ATP6V0A1: variants seen among roughly 807,000 people sequenced by gnomAD.
ATP6V0A1 encodes ATPase H+ transporting V0 subunit a1, also known as V-type proton ATPase 116 kDa subunit a 1.
A neutral mutation model predicts 105.4 loss-of-function variants in ATP6V0A1; 43 were observed. The ratio of observed to expected loss-of-function variants is 0.41; its 90% CI spans 0.32 to 0.53. The LOEUF is 0.53. Ranked by LOEUF, ATP6V0A1 falls within the 20% of genes least tolerant of loss-of-function variation. The pLI is 0.30. For synonymous variants in ATP6V0A1, 362 were observed against 372.8 expected (o/e 0.97, Z 0.33); for missense variants, 676 against 1,051.1 (o/e 0.64, Z 4.93).
At chr17:42,520,627 C>T in intron 21 of ATP6V0A1, 1 of 458,674 alleles carries the variant, frequency 2.2e-6, no homozygotes, top group Non-Finnish European at 4.4e-6. Context: ...AACAGAGGTG[C>T]TTGCCCAGTG....
intron 21 of ATP6V0A1, among the ~76,000 whole-genome samples, chr17:42,515,693 C>T (rs1469589872): frequency 6.6e-6 from 1 of 151,836 alleles, no homozygotes; most frequent in African/African-American, 2.4e-5. Context: ...GAGGCTGAGG[C>T]AGGAGAATCG....
chr17:42,461,248 A>C (rs2086362390), intron 2 of ATP6V0A1, among the ~76,000 whole-genome samples: 1 of 152,154 alleles, frequency 6.6e-6, no homozygotes, highest in African/African-American at 2.4e-5. Context: ...TCTCCAGGTA[A>C]TTGTTTGGGA....
chr17:42,488,187 A>G (rs2090295112), intron 10 of ATP6V0A1, among the ~76,000 whole-genome samples: 1 of 152,224 alleles, frequency 6.6e-6, no homozygotes, highest in African/African-American at 2.4e-5. Flanking sequence ...GCATTTGATC[A>G]GGTCTTTGAA....
chr17:42,513,718 C>A, intron 19 of ATP6V0A1, 143 bp from the exon 20 acceptor site: 1 of 767,534 alleles, frequency 1.3e-6, no homozygotes, highest in Non-Finnish European at 2.2e-6. Flanking sequence ...TGCTTCTGGC[C>A]CCTCCAGAGT....
intron 2 of ATP6V0A1, among the ~76,000 whole-genome samples, chr17:42,462,973 C>A (rs2086606000): frequency 6.7e-6 from 1 of 149,924 alleles, no homozygotes; most frequent in South Asian, 2.1e-4. Flanking sequence ...ACCTCTGTAA[C>A]CAGCACCCCA....
At position 42,470,149 on chromosome 17, in the gene ATP6V0A1, G is replaced by A. The variant is rs2087698078; in HGVS notation, c.354G>A (p.Leu118=). The change falls in exon 5 of 22, where the codon CTG becomes CTA. Residue 118 remains leucine (L), a synonymous_variant. Coordinates refer to ENST00000343619, the MANE Select transcript of ATP6V0A1 (RefSeq NM_001130021.3). ...LKEINTNQEA[L]KRNFLELTEL... ...AAATCAACACAAACCAGGAAGCTCT[G>A]AAGAGAAACTTCCTGGAACTGACCG... is the stretch of plus-strand genomic sequence containing the variant. 1.9e-6 allele frequency: 3 copies of A among 1,611,934 alleles called. No homozygotes were observed. The highest frequency in any genetic ancestry group is 2.5e-6 in the Non-Finnish European group (3 of 1,178,790).
intron 5 of ATP6V0A1, among the ~76,000 whole-genome samples, chr17:42,474,672 G>A (rs2088492776): frequency 6.6e-6 from 1 of 152,294 alleles, no homozygotes. Context: ...ATTTTCTTCT[G>A]TGTCTGAAAT....
At chr17:42,465,652 C>A (rs2086957046) in intron 2 of ATP6V0A1, among the ~76,000 whole-genome samples, 1 of 151,788 alleles carries the variant, frequency 6.6e-6, no homozygotes, top group African/African-American at 2.4e-5. Context: ...TCCAGAACAT[C>A]TGTCATATTG....
Position 42,464,594 on chromosome 17 carries a change from G to A in ATP6V0A1, c.118-1835G>A, listed in dbSNP as rs570317902. Reference sequence around the variant, plus strand: ...ATTTTTTTGTATTTTCAGTAGAGACGGGGTTTCACTGTGTTGGCCGGGCTG... The same window carrying A: ...ATTTTTTTGTATTTTCAGTAGAGACAGGGTTTCACTGTGTTGGCCGGGCTG... On this transcript the variant is annotated intron_variant, in intron 2 of 21. Coordinates refer to ENST00000343619, the MANE Select transcript of ATP6V0A1 (RefSeq NM_001130021.3). 3.9e-5 allele frequency among the ~76,000 whole-genome samples: 6 copies of A among 152,102 alleles called. No individual in the cohort carries two copies. In the South Asian group the frequency reaches 1.0e-3, roughly 26 times the overall value.
At chr17:42,517,588 C>T (rs558762792) in intron 21 of ATP6V0A1, among the ~76,000 whole-genome samples, 3 of 152,340 alleles carry the variant, frequency 2.0e-5, no homozygotes, top group East Asian at 3.9e-4. Flanking sequence ...AGTGGGGCGC[C>T]TCCCCCACCA....
At chr17:42,466,832 C>T (rs978151542) in intron 3 of ATP6V0A1, among the ~76,000 whole-genome samples, 1 of 152,148 alleles carries the variant, frequency 6.6e-6, no homozygotes, top group African/African-American at 2.4e-5. Flanking sequence ...GCAGAGCCAC[C>T]TTTTAATTTG....
At chr17:42,493,302 G>A (rs964966544) in intron 11 of ATP6V0A1, among the ~76,000 whole-genome samples, 7 of 152,176 alleles carry the variant, frequency 4.6e-5, no homozygotes, top group African/African-American at 1.7e-4. Flanking sequence ...GGAGCCCTAT[G>A]GAAGAACTGC....
chr17:42,462,609 G>A (rs1341213359), intron 2 of ATP6V0A1, among the ~76,000 whole-genome samples: 1 of 151,848 alleles, frequency 6.6e-6, no homozygotes, highest in East Asian at 1.9e-4. Flanking sequence ...TAGTAGAGAC[G>A]GGGTTTCACC....
chr17:42,499,166 C>G (rs2091450476), intron 15 of ATP6V0A1, 124 bp downstream of exon 15: 1 of 756,674 alleles, frequency 1.3e-6, no homozygotes, highest in Non-Finnish European at 2.2e-6. Context: ...TATAGAAGTG[C>G]TTTTCTAAAA....
At chr17:42,464,823 T>A (rs1002916955) in intron 2 of ATP6V0A1, among the ~76,000 whole-genome samples, 12 of 152,194 alleles carry the variant, frequency 7.9e-5, no homozygotes, top group Admixed American at 7.2e-4. Flanking sequence ...TCTTTGTATT[T>A]TCCCCAGTGC....
intron 21 of ATP6V0A1, 73 bp from the exon 22 acceptor site, chr17:42,520,954 G>T: frequency 1.5e-6 from 2 of 1,364,896 alleles, no homozygotes. Flanking sequence ...CATCTTTCCT[G>T]CCCAACTGTG....
At chr17:42,480,605 T>C in intron 7 of ATP6V0A1, 62 bp from the exon 8 acceptor site, 1 of 1,525,446 alleles carries the variant, frequency 6.6e-7, no homozygotes, top group Non-Finnish European at 8.8e-7. Flanking sequence ...AAGTGGGTTA[T>C]TTAAGAGATT....
At chr17:42,460,450 T>C (rs1047573882) in intron 1 of ATP6V0A1, 1 of 161,274 alleles carries the variant, frequency 6.2e-6, no homozygotes, top group African/African-American at 2.4e-5. Context: ...TGAAGGCCTC[T>C]TCTGTTTGTT....
chr17:42,482,221 ACTGCAGCCTTGACTTC>A (rs66709412), intron 8 of ATP6V0A1, among the ~76,000 whole-genome samples: 2,275 of 152,172 alleles, frequency 0.015, 54 homozygotes, highest in African/African-American at 0.052. Flanking sequence ...ATCACAGCTC[ACTGCAGCCTTGACTTC>A]CTGAGCTCAG....
Sources: allele counts gnomAD v4.1 joint callset (sites outside exome capture counted in the v4.1 genomes callset), GRCh38; gene constraint gnomAD v4.1.1; transcripts MANE v1.5; gene names NCBI Gene and HGNC (gene_info 2026-07-23, HGNC 2026-07-21).